The following MGST3 variants were observed in gnomAD, a reference collection of about 807,000 sequenced individuals.
The protein encoded by MGST3 is glutathione S-transferase 3, mitochondrial.
In MGST3, 13 loss-of-function variants were observed where a neutral mutation model predicts 15.8. The ratio of observed to expected loss-of-function variants is 0.82; its 90% CI spans 0.54 to 1.31. The LOEUF (loss-of-function observed/expected upper bound fraction) is 1.31. Among genes scored for constraint, MGST3 ranks in the 50% most tolerant of loss-of-function variants. The probability of loss-of-function intolerance (pLI) is 0.00; values close to 1 mark genes in which losing one functional copy is unlikely to be tolerated. For synonymous variants in MGST3, 49 were observed against 68.1 expected (o/e 0.72, Z 1.38); for missense variants, 155 against 192.4 (o/e 0.81, Z 1.15).
chr1:165,651,561 T>G, intron 3 of MGST3: 1 of 297,422 alleles, frequency 3.4e-6, no homozygotes, highest in Non-Finnish European at 6.4e-6. Context: ...CTGCGGTGAA[T>G]GTTTATTTTT....
intron 2 of MGST3, 164 bp downstream of exon 2, chr1:165,650,128 G>A (rs1648512861): frequency 1.0e-6 from 1 of 999,838 alleles, no homozygotes; most frequent in East Asian, 2.6e-5. Context: ...TAGGAAAGAG[G>A]CAAGAAATAC....
Position 165,649,968 on chromosome 1 carries a change from A to C in MGST3, c.117+4A>C, listed in dbSNP as rs769004517. On this transcript the variant is annotated splice_donor_region_variant and intron_variant, in intron 2 of 5. Coordinates refer to ENST00000367889, the MANE Select transcript of MGST3 (RefSeq NM_004528.4). The stretch of plus-strand genomic sequence containing the variant: ...CCGCAAGAAGTACAAAGTGGAGGTA[A>C]GTGGGAACACAAGCTGGTGCCCTTG... 6.2e-7 allele frequency: 1 copy of C among 1,613,982 alleles called. No individual in the cohort carries two copies. Among genetic ancestry groups the C allele is most frequent in the South Asian group, 1.1e-5 (1 of 91,076 alleles).
chr1:165,632,324 T>G (rs755960630), intron 1 of MGST3: 48 of 1,602,884 alleles, frequency 3.0e-5, no homozygotes, highest in Non-Finnish European at 4.0e-5. Flanking sequence ...CTGCAGATTT[T>G]AGATTGCTGG....
intron 1 of MGST3, among the ~76,000 whole-genome samples, chr1:165,637,453 T>G (rs1294445009): frequency 6.6e-6 from 1 of 152,156 alleles, no homozygotes; most frequent in East Asian, 1.9e-4. Flanking sequence ...GCCTTTTGCT[T>G]TGTTTGTGGA....
chr1:165,638,189 CATT>C (rs1648165606), intron 1 of MGST3, among the ~76,000 whole-genome samples: 1 of 152,180 alleles, frequency 6.6e-6, no homozygotes, highest in Non-Finnish European at 1.5e-5. Flanking sequence ...GTTTTTAAAA[CATT>C]ATAGGGCCAG....
chr1:165,632,151 G>A (rs952578533), intron 1 of MGST3: 42 of 1,220,526 alleles, frequency 3.4e-5, no homozygotes, highest in Non-Finnish European at 4.9e-5. Context: ...AAGTAAGTGT[G>A]GAAGACGAGG....
intron 1 of MGST3, among the ~76,000 whole-genome samples, chr1:165,634,942 G>A (rs1205212504): frequency 6.6e-6 from 1 of 151,824 alleles, no homozygotes; most frequent in Non-Finnish European, 1.5e-5. Flanking sequence ...AAATACTGAA[G>A]ATGATAGCTA....
chr1:165,654,041 TAGG>T (rs67217292), intron 4 of MGST3: 114,442 of 508,578 alleles, frequency 0.23, 19,903 homozygotes, highest in East Asian at 0.82. Flanking sequence ...CCCACCTGTC[TAGG>T]AGAAGGCCAA....
chr1:165,655,679 C>A lies in MGST3; in HGVS notation c.*175C>A, dbSNP rs376691545. 5.0e-5 allele frequency: 37 copies of A among 740,926 alleles called. No homozygotes were observed. In the East Asian group the frequency reaches 6.3e-4, roughly 13 times the overall value. The allele number at this position is 740,926 out of a possible 1,614,324, so 45.9% of individuals were successfully genotyped here. ...CTGTATCTGAAATCAGTAGCCTAGT[C>A]CTACTAGATGAGAAAGGAGCCACAA... On this transcript the variant is annotated 3_prime_UTR_variant, in exon 6 of 6. Coordinates refer to ENST00000367889, the MANE Select transcript of MGST3 (RefSeq NM_004528.4).
chr1:165,653,757 C>G (rs954657061), intron 4 of MGST3: 5 of 164,192 alleles, frequency 3.0e-5, no homozygotes, highest in African/African-American at 1.2e-4. Flanking sequence ...AAGCGCTCCC[C>G]TTCTTTCTAG....
intron 1 of MGST3, among the ~76,000 whole-genome samples, chr1:165,638,170 T>C (rs1648165430): frequency 6.6e-6 from 1 of 152,170 alleles, no homozygotes; most frequent in Non-Finnish European, 1.5e-5. Context: ...CAAATAGAAG[T>C]GCTGCTGTGT....
Position 165,649,980 on chromosome 1 carries a change from A to T in MGST3, c.117+16A>T. 6.2e-7 allele frequency: 1 copy of T among 1,613,784 alleles called. No homozygotes were observed. The stretch of plus-strand genomic sequence containing the variant: ...CAAAGTGGAGGTAAGTGGGAACACA[A>T]GCTGGTGCCCTTGTAGGCTTGTCTG... On this transcript the variant is annotated intron_variant, in intron 2 of 5. Coordinates refer to ENST00000367889, the MANE Select transcript of MGST3 (RefSeq NM_004528.4).
rs8133 is a variant in MGST3, at chr1:165,655,562, G to T, written c.*58G>T. The T allele has an allele frequency of 0.41, 654,477 of 1,600,950 alleles. 141,123 individuals carry two copies. The highest frequency in any genetic ancestry group is 0.49 in the Middle Eastern group (2,815 of 5,800). On this transcript the variant is annotated 3_prime_UTR_variant, in exon 6 of 6. Transcript: ENST00000367889. The stretch of plus-strand genomic sequence containing the variant: ...TTTAAATGACTTACCTTTATTTCCA[G>T]TTACATTTTTTTTCTAAATATAATA...
intron 4 of MGST3, 96 bp downstream of exon 4, chr1:165,652,131 C>A: frequency 1.1e-6 from 1 of 894,776 alleles, no homozygotes; most frequent in Non-Finnish European, 1.9e-6. Context: ...TGAATATCTT[C>A]AGTGTCTAGG....
At chr1:165,650,399 G>A in intron 2 of MGST3, 1 of 250,262 alleles carries the variant, frequency 4.0e-6, no homozygotes. Context: ...TTAGACATAG[G>A]AAGGTGGTCT....
At chr1:165,652,105 G>A in intron 4 of MGST3, 70 bp downstream of exon 4, 1 of 1,093,284 alleles carries the variant, frequency 9.1e-7, no homozygotes, top group South Asian at 1.2e-5. Context: ...GACAGAAGAA[G>A]GAAATAAACA....
At chr1:165,639,398 T>A (rs1193718361) in intron 1 of MGST3, among the ~76,000 whole-genome samples, 1 of 152,208 alleles carries the variant, frequency 6.6e-6, no homozygotes, top group Non-Finnish European at 1.5e-5. Flanking sequence ...TCTCTTTGCC[T>A]CCATTTCCTC....
chr1:165,633,674 G>A (rs545672646), intron 1 of MGST3, among the ~76,000 whole-genome samples: 1 of 152,160 alleles, frequency 6.6e-6, no homozygotes, highest in African/African-American at 2.4e-5. Flanking sequence ...TACCCTAACG[G>A]GCATTCAGCA....
chr1:165,641,441 C>G lies in MGST3; in HGVS notation c.-7-8400C>G, dbSNP rs537872705. On this transcript the variant is annotated intron_variant, in intron 1 of 5. Transcript: ENST00000367889. ...CTATTTTGCAATCTAATTAGACCAG[C>G]CTTTTGCCAAATTTGAATTATTTTA... Among the ~76,000 whole-genome samples the G allele has an allele frequency of 6.6e-5, 10 of 152,282 alleles. No individual in the cohort carries two copies. The South Asian group carries it at 2.1e-3, about 32-fold the overall frequency.
Sources: allele counts gnomAD v4.1 joint callset (sites outside exome capture counted in the v4.1 genomes callset), GRCh38; gene constraint gnomAD v4.1.1; transcripts MANE v1.5; gene names NCBI Gene and HGNC (gene_info 2026-07-23, HGNC 2026-07-21).